Variants in RANBP3L observed in about 807,000 individuals in gnomAD.
RANBP3L encodes the protein ran-binding protein 3-like.
Under a neutral mutation model 67.2 loss-of-function variants are expected in RANBP3L, and 56 were observed. The ratio of observed to expected loss-of-function variants is 0.83; its 90% CI spans 0.67 to 1.04. The LOEUF (loss-of-function observed/expected upper bound fraction) is 1.04. RANBP3L is among the 50% of genes least tolerant of loss of function. The probability of loss-of-function intolerance (pLI) is 0.00; values close to 1 mark genes in which losing one functional copy is unlikely to be tolerated. For synonymous variants in RANBP3L, 164 were observed against 181.4 expected, an observed-to-expected ratio of 0.90 and a Z score of 0.77; for missense variants, 496 against 535.5, an observed-to-expected ratio of 0.93 and a Z score of 0.73.
chr5:36,261,565 A>G (rs1221432030), intron 7 of RANBP3L, among the ~76,000 whole-genome samples: 1 of 152,194 alleles, frequency 6.6e-6, no homozygotes, highest in African/African-American at 2.4e-5. Flanking sequence ...CTTGTTGCTT[A>G]TCTAACCTAT....
chr5:36,297,456 C>CAT (rs1247876052), intron 1 of RANBP3L, among the ~76,000 whole-genome samples: 1 of 151,898 alleles, frequency 6.6e-6, no homozygotes, highest in Non-Finnish European at 1.5e-5. Context: ...CGCACACACA[C>CAT]ACATCCTATT....
At chr5:36,283,244 G>A (rs192711073) in intron 1 of RANBP3L, among the ~76,000 whole-genome samples, 16 of 151,878 alleles carry the variant, frequency 1.1e-4, no homozygotes, top group African/African-American at 3.6e-4. Flanking sequence ...TTTTAGTAGA[G>A]ATGGGGTTTC....
chr5:36,261,004 TG>T (rs1186583919), intron 7 of RANBP3L, 140 bp from the exon 8 acceptor site: 2 of 575,746 alleles, frequency 3.5e-6, no homozygotes, highest in African/African-American at 3.8e-5. Context: ...TAATGAAAAA[TG>T]AAGGAAAAAT....
At chr5:36,293,829 C>T (rs916051815) in intron 1 of RANBP3L, among the ~76,000 whole-genome samples, 1 of 143,178 alleles carries the variant, frequency 7.0e-6, no homozygotes, top group South Asian at 2.4e-4. Flanking sequence ...ATTTTTGCAT[C>T]AATGTTCATC....
At chr5:36,270,118 G>A (rs1579720787) in intron 2 of RANBP3L, 128 bp from the exon 3 acceptor site, 1 of 779,704 alleles carries the variant, frequency 1.3e-6, no homozygotes, top group Non-Finnish European at 2.3e-6. Context: ...CACCAACCTA[G>A]TACATCAGAT....
At position 36,247,989 on chromosome 5, in the gene RANBP3L, A is replaced by G. The variant is rs1221929262; in HGVS notation, c.*1665T>C. On this transcript the variant is annotated 3_prime_UTR_variant, in exon 14 of 14. Coordinates refer to ENST00000296604, the MANE Select transcript of RANBP3L (RefSeq NM_145000.5). ...TCCCACATCAGCTGAGATCTTAACA[A>G]TAAAAGAGAACCAGTGCTTTATTAT... 3.3e-5 allele frequency among the ~76,000 whole-genome samples: 5 copies of G among 152,248 alleles called. No individual in the cohort carries two copies. Among genetic ancestry groups the G allele is most frequent in the Admixed American group, 6.5e-5 (1 of 15,288 alleles).
At chr5:36,277,614 C>G (rs1750687368) in intron 1 of RANBP3L, among the ~76,000 whole-genome samples, 1 of 152,008 alleles carries the variant, frequency 6.6e-6, no homozygotes, top group Admixed American at 6.6e-5. Flanking sequence ...GCACACTTCT[C>G]TCCATATATC....
intron 1 of RANBP3L, among the ~76,000 whole-genome samples, chr5:36,289,469 C>T (rs1263519661): frequency 2.0e-5 from 3 of 152,106 alleles, no homozygotes; most frequent in African/African-American, 7.2e-5. Flanking sequence ...GGCCTTGACT[C>T]TATAGGTCAA....
At chr5:36,268,390 A>C (rs534474546) in intron 4 of RANBP3L, 3 of 544,378 alleles carry the variant, frequency 5.5e-6, no homozygotes, top group Non-Finnish European at 9.5e-6. Flanking sequence ...TTTTATTTCT[A>C]TTAATAAAAA....
chr5:36,272,352 A>G (rs1750278935), intron 1 of RANBP3L, among the ~76,000 whole-genome samples: 1 of 152,230 alleles, frequency 6.6e-6, no homozygotes, highest in Non-Finnish European at 1.5e-5. Flanking sequence ...AACTTTTCTC[A>G]GTATAGCAAC....
chr5:36,289,674 C>T (rs1751570851), intron 1 of RANBP3L, among the ~76,000 whole-genome samples: 1 of 151,800 alleles, frequency 6.6e-6, no homozygotes, highest in Non-Finnish European at 1.5e-5. Context: ...TTTTAATTTC[C>T]ACTTGTTGTC....
chr5:36,264,311 A>T (rs1561108341), intron 6 of RANBP3L, among the ~76,000 whole-genome samples: 1 of 152,238 alleles, frequency 6.6e-6, no homozygotes, highest in African/African-American at 2.4e-5. Flanking sequence ...CTTGAGTCCT[A>T]TTCCTCCTGT....
At chr5:36,255,364 T>C in intron 11 of RANBP3L, 106 bp downstream of exon 11, 1 of 1,076,570 alleles carries the variant, frequency 9.3e-7, no homozygotes, top group Non-Finnish European at 1.3e-6. Flanking sequence ...GATTTTTTGG[T>C]GTATTTTATA....
chr5:36,257,537 T>A lies in RANBP3L; in HGVS notation c.689A>T (p.Gln230Leu). The change falls in exon 9 of 14, where the codon CAG (glutamine) becomes CTG (leucine). Residue 230 changes from glutamine to leucine, a missense_variant. Transcript: ENST00000296604. ...ATATGAATCATTTTCAAGTTGAGGC[T>A]GGGTGAGTTTTTGAGTACCCTGAGA... ...ERVLGTQKLTQPQLENDSYAK... is the reference protein window; with the variant it reads ...ERVLGTQKLTLPQLENDSYAK... 1 of 1,575,306 alleles carries A rather than the reference T, an allele frequency of 6.3e-7. No individual in the cohort carries two copies. Among genetic ancestry groups the A allele is most frequent in the Non-Finnish European group, 8.7e-7 (1 of 1,154,506 alleles).
Position 36,269,483 on chromosome 5 carries a change from T to C in RANBP3L, c.191-16A>G, listed in dbSNP as rs188351611. ...CCATTACATTCTGCAAGAAAAGCAA[T>C]GGAAAGGCTAAAATTACTTGTGATA... is the stretch of plus-strand genomic sequence containing the variant. On this transcript the variant is annotated splice_polypyrimidine_tract_variant and intron_variant, in intron 3 of 13. Coordinates refer to ENST00000296604, the MANE Select transcript of RANBP3L (RefSeq NM_145000.5). 5.9e-4 allele frequency: 814 copies of C among 1,371,440 alleles called. 5 individuals carry two copies. The African/African-American group carries it at 0.01, about 17-fold the overall frequency. The allele number at this position is 1,371,440 out of a possible 1,614,324, so 85.0% of individuals were successfully genotyped here.
intron 1 of RANBP3L, among the ~76,000 whole-genome samples, chr5:36,290,858 A>G (rs1281395511): frequency 2.1e-5 from 3 of 146,170 alleles, no homozygotes; most frequent in Non-Finnish European, 4.5e-5. Context: ...CAGCCTCCTG[A>G]GTAGCTGGGA....
rs535840246 is a variant in RANBP3L, at chr5:36,301,387, G to A, written c.30C>T (p.Ser10=). The part of the protein sequence containing the change: MTTIPRKGS[S]HLPGSLHTCK... ...AGGTGTGCAAACTGCCAGGCAGGTG[G>A]CTGCTGCCTTTTCTTGGTATGGTAG... Residue 10 remains serine (S), a synonymous_variant, in exon 1 of 14, where the codon AGC becomes AGT. Coordinates refer to ENST00000296604, the MANE Select transcript of RANBP3L (RefSeq NM_145000.5). The A allele has an allele frequency of 7.4e-6, 12 of 1,613,702 alleles. No homozygotes were observed. The Admixed American group carries it at 2.0e-4, about 27-fold the overall frequency.
At chr5:36,254,800 C>T (rs1748853545) in intron 11 of RANBP3L, among the ~76,000 whole-genome samples, 1 of 152,070 alleles carries the variant, frequency 6.6e-6, no homozygotes, top group South Asian at 2.1e-4. Context: ...CAGATCTCTC[C>T]CTGTGCTCTC....
intron 1 of RANBP3L, among the ~76,000 whole-genome samples, chr5:36,272,319 GATGAGAC>G (rs1750276054): frequency 6.6e-6 from 1 of 152,110 alleles, no homozygotes; most frequent in Non-Finnish European, 1.5e-5. Context: ...ACACATTCTG[GATGAGAC>G]CAAGTAAGAC....
Sources: allele counts gnomAD v4.1 joint callset (sites outside exome capture counted in the v4.1 genomes callset), GRCh38; gene constraint gnomAD v4.1.1; transcripts MANE v1.5; gene names NCBI Gene and HGNC (gene_info 2026-07-23, HGNC 2026-07-21).